Variants in PKNOX2 observed in about 807,000 individuals in gnomAD.
PKNOX2 encodes homeobox protein PKNOX2.
Under a neutral mutation model 53.1 loss-of-function variants are expected in PKNOX2, and 14 were observed. The ratio of observed to expected loss-of-function variants is 0.26; its 90% CI spans 0.17 to 0.41. PKNOX2 has a LOEUF of 0.41. PKNOX2 is among the 10% of genes least tolerant of loss of function. The probability of loss-of-function intolerance (pLI) is 1.00; values close to 1 mark genes in which losing one functional copy is unlikely to be tolerated. For synonymous variants in PKNOX2, 257 were observed against 242.8 expected (o/e 1.06, Z -0.54); for missense variants, 496 against 602.8 (o/e 0.82, Z 1.85).
intron 2 of PKNOX2, among the ~76,000 whole-genome samples, chr11:125,287,197 G>A (rs1198068414): frequency 1.3e-5 from 2 of 152,194 alleles, no homozygotes; most frequent in Non-Finnish European, 2.9e-5. Flanking sequence ...GCTTGCTTAG[G>A]GTTGTGTAGC....
Position 125,393,004 on chromosome 11 carries a change from T to TG in PKNOX2, c.400-4870_400-4869insG, listed in dbSNP as rs1555169470. On this transcript the variant is annotated intron_variant, in intron 6 of 12. Transcript: ENST00000298282. ...AAACCCTGTCTCTACTAAAAATACA[T>TG]AAAAAAAAAAATTAGCCCGGCGTGG... Among the ~76,000 whole-genome samples, 110 of 145,468 alleles carry TG rather than the reference T, an allele frequency of 7.6e-4. 1 individual carries two copies. Among genetic ancestry groups the TG allele is most frequent in the African/African-American group, 2.5e-3 (101 of 39,734 alleles).
chr11:125,419,925 G>A (rs1293857711), intron 10 of PKNOX2, among the ~76,000 whole-genome samples: 2 of 150,672 alleles, frequency 1.3e-5, no homozygotes, highest in African/African-American at 4.9e-5. Flanking sequence ...GCTCACACCT[G>A]TAATCATGCC....
At chr11:125,421,854 C>T (rs992622132) in intron 10 of PKNOX2, among the ~76,000 whole-genome samples, 3 of 152,206 alleles carry the variant, frequency 2.0e-5, no homozygotes, top group East Asian at 1.9e-4. Context: ...CCAAGGACAC[C>T]GCTGTCTGCA....
At chr11:125,355,394 G>A (rs949893251) in intron 4 of PKNOX2, among the ~76,000 whole-genome samples, 18 of 151,848 alleles carry the variant, frequency 1.2e-4, no homozygotes, top group African/African-American at 3.9e-4. Flanking sequence ...GAGTAGCAGC[G>A]CCCTCTACTG....
At chr11:125,222,806 T>C (rs531285690) in intron 1 of PKNOX2, among the ~76,000 whole-genome samples, 1 of 151,934 alleles carries the variant, frequency 6.6e-6, no homozygotes, top group Non-Finnish European at 1.5e-5. Flanking sequence ...TGTGTGTGCG[T>C]GTGTATGTGT....
chr11:125,219,515 G>T (rs1305450512), intron 1 of PKNOX2, among the ~76,000 whole-genome samples: 1 of 151,048 alleles, frequency 6.6e-6, no homozygotes. Context: ...TCATATCACA[G>T]GGCTACTCTC....
chr11:125,324,303 T>A (rs138121849), intron 2 of PKNOX2, among the ~76,000 whole-genome samples: 2 of 152,298 alleles, frequency 1.3e-5, no homozygotes, highest in East Asian at 3.9e-4. Context: ...TAATAACTAC[T>A]TTCCAAAGTT....
At position 125,327,191 on chromosome 11, in the gene PKNOX2, T is replaced by C. The variant is rs551116870; in HGVS notation, c.-129-4628T>C. The stretch of plus-strand genomic sequence containing the variant: ...ATTCCAGAGGCTCGGTCTTCACTTA[T>C]CCAACTCATCTGCAAAAAGCCTAAG... On this transcript the variant is annotated intron_variant, in intron 2 of 12. Transcript: ENST00000298282. 7.9e-4 allele frequency among the ~76,000 whole-genome samples: 121 copies of C among 152,264 alleles called. 2 individuals are homozygous for C. Among genetic ancestry groups the C allele is most frequent in the African/African-American group, 2.8e-3 (115 of 41,550 alleles).
chr11:125,341,478 C>T (rs1181023754), intron 3 of PKNOX2, among the ~76,000 whole-genome samples: 3 of 152,198 alleles, frequency 2.0e-5, no homozygotes, highest in Non-Finnish European at 4.4e-5. Flanking sequence ...GTATAGGCTG[C>T]CCCTTCTCCC....
chr11:125,226,607 C>T (rs1009527266), intron 1 of PKNOX2, among the ~76,000 whole-genome samples: 18 of 151,914 alleles, frequency 1.2e-4, no homozygotes, highest in African/African-American at 4.1e-4. Flanking sequence ...ATTAGGTGCC[C>T]AAATCCTCTC....
At chr11:125,267,839 G>T (rs1477036728) in intron 2 of PKNOX2, among the ~76,000 whole-genome samples, 1 of 152,198 alleles carries the variant, frequency 6.6e-6, no homozygotes, top group Non-Finnish European at 1.5e-5. Context: ...GAGTAGGAAT[G>T]GAGTCAGGGA....
In PKNOX2 at chr11:125,317,742, A is replaced by G. The variant is rs1949289154; in HGVS notation, c.-129-14077A>G. Among the ~76,000 whole-genome samples the G allele has an allele frequency of 2.6e-5, 4 of 152,336 alleles. No individual in the cohort carries two copies. In the South Asian group the frequency reaches 8.3e-4, roughly 32 times the overall value. ...CAAAGCAGATTTAGCATCATTCTTA[A>G]GGGTCCTAGGACTTTTGGAATGGTA... On this transcript the variant is annotated intron_variant, in intron 2 of 12. Transcript: ENST00000298282.
In PKNOX2 at chr11:125,241,198, C is replaced by A. The variant is rs556380084; in HGVS notation, c.-130+6083C>A. On this transcript the variant is annotated intron_variant, in intron 2 of 12. Transcript: ENST00000298282. ...CAGCTGCTCCCCATCCCTGTAAATA[C>A]AGACACTCAGATACACAGGCACACT... Among the ~76,000 whole-genome samples, 5 of 152,308 alleles carry A rather than the reference C, an allele frequency of 3.3e-5. No individual in the cohort carries two copies. The South Asian group carries it at 1.0e-3, about 32-fold the overall frequency.
At chr11:125,412,686 C>G (rs374891748) in intron 10 of PKNOX2, among the ~76,000 whole-genome samples, 4 of 151,998 alleles carry the variant, frequency 2.6e-5, no homozygotes, top group Non-Finnish European at 5.9e-5. Flanking sequence ...TGACCACGGG[C>G]GGGCTTCCAT....
At chr11:125,371,671 C>T (rs1161751002) in intron 5 of PKNOX2, among the ~76,000 whole-genome samples, 2 of 152,038 alleles carry the variant, frequency 1.3e-5, no homozygotes, top group Non-Finnish European at 2.9e-5. Flanking sequence ...GTTGGCTTTG[C>T]GAAGACTGCT....
intron 2 of PKNOX2, among the ~76,000 whole-genome samples, chr11:125,311,505 C>A (rs1041778045): frequency 6.6e-6 from 1 of 152,064 alleles, no homozygotes; most frequent in Non-Finnish European, 1.5e-5. Flanking sequence ...GCTGTGAAAG[C>A]CCCCCAGAAG....
At chr11:125,419,965 AG>A (rs1277609453) in intron 10 of PKNOX2, among the ~76,000 whole-genome samples, 17 of 150,370 alleles carry the variant, frequency 1.1e-4, no homozygotes, top group African/African-American at 4.2e-4. Context: ...GTGAGTGGAT[AG>A]CCTGAGTCTA....
At chr11:125,201,585 C>A (rs183516409) in intron 1 of PKNOX2, among the ~76,000 whole-genome samples, 2 of 152,102 alleles carry the variant, frequency 1.3e-5, no homozygotes, top group African/African-American at 2.4e-5. Context: ...AGGAAGATTG[C>A]GCCACCTGTG....
intron 2 of PKNOX2, among the ~76,000 whole-genome samples, chr11:125,314,650 CA>C (rs1433507790): frequency 6.6e-6 from 1 of 152,144 alleles, no homozygotes; most frequent in African/African-American, 2.4e-5. Flanking sequence ...GGAGGCAGTG[CA>C]GCCCCCAGCT....
Sources: allele counts gnomAD v4.1 joint callset (sites outside exome capture counted in the v4.1 genomes callset), GRCh38; gene constraint gnomAD v4.1.1; transcripts MANE v1.5; gene names NCBI Gene and HGNC (gene_info 2026-07-23, HGNC 2026-07-21).